The following MTUS2 variants were observed in gnomAD, a reference collection of about 807,000 sequenced individuals.
MTUS2 encodes the protein microtubule-associated tumor suppressor candidate 2.
MTUS2 carries 40 observed loss-of-function variants against 114.1 expected under a neutral mutation model. The ratio of observed to expected loss-of-function variants is 0.35; its 90% CI spans 0.27 to 0.46. MTUS2 has a LOEUF of 0.46. MTUS2 is among the 20% of genes least tolerant of loss of function. The pLI is 1.00. For synonymous variants in MTUS2, 688 were observed against 672.0 expected (o/e 1.02, Z -0.37); for missense variants, 1,679 against 1,705.4 (o/e 0.98, Z 0.27).
At chr13:29,167,775 G>C (rs1037213673) in intron 5 of MTUS2, among the ~76,000 whole-genome samples, 1 of 152,066 alleles carries the variant, frequency 6.6e-6, no homozygotes, top group Non-Finnish European at 1.5e-5. Flanking sequence ...GGGTTTTTCA[G>C]ATTTGGGATG....
At chr13:28,946,976 C>A (rs1177179042) in intron 2 of MTUS2, among the ~76,000 whole-genome samples, 1 of 152,184 alleles carries the variant, frequency 6.6e-6, no homozygotes. Context: ...ATGATGCTTA[C>A]AACATACCTG....
At chr13:28,838,439 C>T (rs368793787) in intron 1 of MTUS2, among the ~76,000 whole-genome samples, 1 of 152,172 alleles carries the variant, frequency 6.6e-6, no homozygotes, top group Non-Finnish European at 1.5e-5. Context: ...TGGGTTACTA[C>T]ATTTATTACA....
At chr13:28,992,836 A>G (rs1377423368) in intron 2 of MTUS2, among the ~76,000 whole-genome samples, 1 of 152,222 alleles carries the variant, frequency 6.6e-6, no homozygotes, top group African/African-American at 2.4e-5. Context: ...ATCCGTCTCC[A>G]GAAGTCTTTC....
At chr13:29,132,234 AC>A (rs945644216) in intron 5 of MTUS2, among the ~76,000 whole-genome samples, 18 of 152,352 alleles carry the variant, frequency 1.2e-4, no homozygotes, top group African/African-American at 4.1e-4. Context: ...CTGGAGAGAT[AC>A]AGCCTGATCC....
At chr13:29,054,937 C>T (rs1367490167) in intron 4 of MTUS2, among the ~76,000 whole-genome samples, 5 of 152,050 alleles carry the variant, frequency 3.3e-5, no homozygotes, top group Admixed American at 6.5e-5. Flanking sequence ...TCAGGGAACA[C>T]GCTTTGTTTA....
In MTUS2 at chr13:29,416,281, A is replaced by G. The variant is rs185680405; in HGVS notation, c.3118-23702A>G. ...CCACCTGTTGCCTCTACAACAATGA[A>G]TGAACTTATTTTACTCTCTTTATTC... is the stretch of plus-strand genomic sequence containing the variant. On this transcript the variant is annotated intron_variant, in intron 8 of 15. Coordinates refer to ENST00000612955, the MANE Select transcript of MTUS2 (RefSeq NM_001033602.4). Among the ~76,000 whole-genome samples, 421 of 151,922 alleles carry G rather than the reference A, an allele frequency of 2.8e-3. 10 individuals carry two copies. Among genetic ancestry groups the G allele is most frequent in the East Asian group, 3.9e-3 (20 of 5,170 alleles).
intron 8 of MTUS2, among the ~76,000 whole-genome samples, chr13:29,430,410 A>G (rs1299985367): frequency 6.6e-6 from 1 of 152,196 alleles, no homozygotes; most frequent in East Asian, 1.9e-4. Flanking sequence ...ATTTTGGAAG[A>G]TAATTTAATG....
intron 5 of MTUS2, among the ~76,000 whole-genome samples, chr13:29,201,401 T>G (rs1894952523): frequency 6.6e-6 from 1 of 152,134 alleles, no homozygotes; most frequent in South Asian, 2.1e-4. Context: ...AGCCTGTGTG[T>G]GTCTTTGCAC....
At chr13:29,457,355 T>C (rs1879193161) in intron 9 of MTUS2, among the ~76,000 whole-genome samples, 1 of 152,010 alleles carries the variant, frequency 6.6e-6, no homozygotes, top group Admixed American at 6.5e-5. Flanking sequence ...TCTATCACCA[T>C]ACATTAGTTT....
intron 2 of MTUS2, among the ~76,000 whole-genome samples, chr13:28,936,029 G>A (rs528617923): frequency 9.9e-5 from 15 of 152,252 alleles, no homozygotes; most frequent in African/African-American, 3.1e-4. Context: ...TTACAGGTGT[G>A]AGCCACCAGG....
chr13:29,023,551 A>T (rs899359264), intron 2 of MTUS2, among the ~76,000 whole-genome samples: 3 of 152,216 alleles, frequency 2.0e-5, no homozygotes, highest in Non-Finnish European at 4.4e-5. Context: ...ATTCTAAAGC[A>T]TGTATATTTC....
intron 3 of MTUS2, among the ~76,000 whole-genome samples, chr13:29,028,458 G>T (rs559401202): frequency 7.2e-5 from 11 of 152,028 alleles, no homozygotes; most frequent in Non-Finnish European, 1.5e-4. Context: ...TTTAGGATGG[G>T]ATGTGCTCAC....
chr13:28,861,758 A>G (rs1159241644), intron 2 of MTUS2, among the ~76,000 whole-genome samples: 1 of 152,042 alleles, frequency 6.6e-6, no homozygotes, highest in Non-Finnish European at 1.5e-5. Flanking sequence ...TATTCCCCGT[A>G]TCCAGCAGCC....
At chr13:28,954,258 T>G (rs1207592805) in intron 2 of MTUS2, among the ~76,000 whole-genome samples, 1 of 152,198 alleles carries the variant, frequency 6.6e-6, no homozygotes, top group Non-Finnish European at 1.5e-5. Context: ...GCGGCTCATT[T>G]TGGTGTATTT....
chr13:29,306,095 T>C (rs982908422), intron 6 of MTUS2, among the ~76,000 whole-genome samples: 1 of 152,230 alleles, frequency 6.6e-6, no homozygotes, highest in African/African-American at 2.4e-5. Context: ...CATTCCTTCA[T>C]GTTAAAAACT....
At chr13:29,143,793 A>G (rs1377696707) in intron 5 of MTUS2, among the ~76,000 whole-genome samples, 1 of 152,218 alleles carries the variant, frequency 6.6e-6, no homozygotes, top group Non-Finnish European at 1.5e-5. Context: ...AGTTAATCAA[A>G]TGGTATGACC....
intron 4 of MTUS2, among the ~76,000 whole-genome samples, chr13:29,043,450 T>C (rs1887465095): frequency 6.6e-6 from 1 of 152,140 alleles, no homozygotes; most frequent in Non-Finnish European, 1.5e-5. Context: ...AGTCCATTTG[T>C]TCTAGGGTAT....
chr13:29,135,988 G>A (rs182967808), intron 5 of MTUS2, among the ~76,000 whole-genome samples: 106 of 152,240 alleles, frequency 7.0e-4, no homozygotes, highest in Admixed American at 1.7e-3. Context: ...ACTAATAATT[G>A]CTTTTAAAAA....
At chr13:28,828,125 C>A (rs1874399503) in intron 1 of MTUS2, among the ~76,000 whole-genome samples, 1 of 152,132 alleles carries the variant, frequency 6.6e-6, no homozygotes, top group South Asian at 2.1e-4. Context: ...CAGAGACCTC[C>A]CCTTGGGAAT....
Sources: allele counts gnomAD v4.1 joint callset (sites outside exome capture counted in the v4.1 genomes callset), GRCh38; gene constraint gnomAD v4.1.1; transcripts MANE v1.5; gene names NCBI Gene and HGNC (gene_info 2026-07-23, HGNC 2026-07-21).